The following SLC9B1 variants were observed in gnomAD, a reference collection of about 807,000 sequenced individuals.
SLC9B1 encodes sodium/hydrogen exchanger 9B1.
SLC9B1 carries 32 observed loss-of-function variants against 51.7 expected under a neutral mutation model. The ratio of observed to expected loss-of-function variants is 0.62; its 90% CI spans 0.47 to 0.83. SLC9B1 has a LOEUF of 0.83. Ranked by LOEUF, SLC9B1 falls within the 40% of genes least tolerant of loss-of-function variation. The pLI, the probability that SLC9B1 is intolerant of heterozygous loss-of-function variation, is 0.00. For synonymous variants in SLC9B1, 145 were observed against 212.7 expected, an observed-to-expected ratio of 0.68 and a Z score of 2.77; for missense variants, 406 against 613.2, an observed-to-expected ratio of 0.66 and a Z score of 3.57.
intron 3 of SLC9B1, among the ~76,000 whole-genome samples, chr4:102,985,588 A>T (rs2110513985): frequency 6.7e-6 from 1 of 149,356 alleles, no homozygotes; most frequent in African/African-American, 2.5e-5. Context: ...CAGCGGTGTG[A>T]TCTCGGCTCA....
At chr4:102,919,832 G>C (rs1341101479) in intron 7 of SLC9B1, among the ~76,000 whole-genome samples, 2 of 152,338 alleles carry the variant, frequency 1.3e-5, no homozygotes, top group Non-Finnish European at 2.9e-5. Context: ...ATCCATCTGC[G>C]AGGTGGCAGC....
intron 1 of SLC9B1, 138 bp downstream of exon 1, chr4:103,019,461 G>A: frequency 1.1e-5 from 5 of 455,628 alleles, no homozygotes; most frequent in Non-Finnish European, 1.4e-5. Flanking sequence ...CAGCGTCTGG[G>A]AGAAGAGCCC....
At chr4:102,941,710 TG>T (rs1737012034) in intron 6 of SLC9B1, among the ~76,000 whole-genome samples, 1 of 138,500 alleles carries the variant, frequency 7.2e-6, no homozygotes, top group South Asian at 2.3e-4. Flanking sequence ...TTATACTGAA[TG>T]GGGAAAAGTT....
Position 102,989,805 on chromosome 4 carries a change from G to A in SLC9B1, c.206C>T (p.Thr69Ile). 1 of 1,565,070 alleles carries A rather than the reference G, an allele frequency of 6.4e-7. No individual in the cohort carries two copies. The highest frequency in any genetic ancestry group is 8.7e-7 in the Non-Finnish European group (1 of 1,154,598). ...PLRGVLNVIITNGVILFVIWC... is the reference protein window; with the variant it reads ...PLRGVLNVIIINGVILFVIWC... ...ACATTTTTTGTTTCACATACCATTT[G>A]TAATAATTACATTCAATACTCCTCT... The change falls in exon 3 of 12, where the codon ACA becomes ATA. Residue 69 changes from threonine (T) to isoleucine (I), a missense_variant. By Grantham distance (89) the Thr-to-Ile change is moderately conservative. Around this residue, in one of 6 missense-constraint regions of SLC9B1, gnomAD observed 108 missense variants for 94.5 expected, o/e 1.14. Coordinates refer to ENST00000296422, the MANE Select transcript of SLC9B1 (RefSeq NM_139173.4).
intron 6 of SLC9B1, among the ~76,000 whole-genome samples, chr4:102,940,539 C>CA (rs1266082181): frequency 1.3e-5 from 2 of 151,706 alleles, no homozygotes; most frequent in African/African-American, 4.8e-5. Context: ...AACAAACAAA[C>CA]AAAAAAAGCC....
At chr4:103,010,195 T>C (rs1741020301) in intron 1 of SLC9B1, among the ~76,000 whole-genome samples, 1 of 151,820 alleles carries the variant, frequency 6.6e-6, no homozygotes, top group African/African-American at 2.4e-5. Flanking sequence ...ATGAAAAAAA[T>C]TTCTTTCTCA....
At chr4:102,924,395 T>G (rs1411457046) in intron 7 of SLC9B1, among the ~76,000 whole-genome samples, 1 of 152,034 alleles carries the variant, frequency 6.6e-6, no homozygotes, top group African/African-American at 2.4e-5. Flanking sequence ...ACACTTTATA[T>G]AAAAATTAAT....
Position 102,913,796 on chromosome 4 carries a change from TAAAA to T in SLC9B1, c.830-2263_830-2260del, listed in dbSNP as rs61244946. ...AAAATATTAACAAAGAGATAGAAAC[TAAAA>T]AAAAAAAAAAAAAAAAAGGAACCAT... On this transcript the variant is annotated intron_variant, in intron 7 of 11. Transcript: ENST00000296422. 5.9e-3 allele frequency among the ~76,000 whole-genome samples: 421 copies of T among 71,458 alleles called. 1 individual carries two copies. Among genetic ancestry groups the T allele is most frequent in the Non-Finnish European group, 9.6e-3 (345 of 35,878 alleles). 46.9% of individuals were successfully genotyped at this position (71,458 alleles called of 152,430 possible). A position where few individuals can be genotyped will look rare whatever the true frequency, so the allele number is the denominator to read the frequency against.
intron 1 of SLC9B1, among the ~76,000 whole-genome samples, chr4:103,004,037 G>A (rs573086745): frequency 1.6e-4 from 24 of 152,276 alleles, no homozygotes; most frequent in African/African-American, 3.4e-4. Context: ...CAAGATGCCC[G>A]AGTATCTTCT....
chr4:102,950,921 G>A (rs771345757), intron 3 of SLC9B1, among the ~76,000 whole-genome samples: 2 of 152,142 alleles, frequency 1.3e-5, no homozygotes, highest in Non-Finnish European at 2.9e-5. Context: ...CTTAAACCCA[G>A]GAGGCAGACA....
chr4:102,961,696 A>G (rs1274114984), intron 3 of SLC9B1, among the ~76,000 whole-genome samples: 2 of 151,810 alleles, frequency 1.3e-5, no homozygotes, highest in African/African-American at 4.8e-5. Context: ...ACTGTCAAAT[A>G]GTAGGTTGAT....
intron 3 of SLC9B1, among the ~76,000 whole-genome samples, chr4:102,971,250 T>G (rs1738746122): frequency 6.6e-6 from 1 of 152,080 alleles, no homozygotes; most frequent in Non-Finnish European, 1.5e-5. Flanking sequence ...AAAGCACTCC[T>G]CAGCAAATGT....
chr4:102,998,602 T>C (rs956681296), intron 1 of SLC9B1, among the ~76,000 whole-genome samples: 1 of 123,384 alleles, frequency 8.1e-6, no homozygotes, highest in African/African-American at 3.7e-5. Context: ...CATCATCATA[T>C]GGTTTTTTTT....
At chr4:102,990,744 T>A (rs184723882) in intron 2 of SLC9B1, among the ~76,000 whole-genome samples, 2 of 151,816 alleles carry the variant, frequency 1.3e-5, no homozygotes, top group East Asian at 3.9e-4. Context: ...CATCTTATCA[T>A]CACAGGAAAC....
rs191848728 is a variant in SLC9B1 at position 102,981,135 on chromosome 4, C to T, written c.211+8665G>A. Among the ~76,000 whole-genome samples, 34 of 152,228 alleles carry T rather than the reference C, an allele frequency of 2.2e-4. 1 individual carries two copies. Among genetic ancestry groups the T allele is most frequent in the East Asian group, 7.7e-4 (4 of 5,184 alleles). On this transcript the variant is annotated intron_variant, in intron 3 of 11. Transcript: ENST00000296422. ...CAGATTGGCTTCTTTCACTTAGAAA[C>T]ATGCATTTAAGTTTACTCCAAGTTG...
chr4:102,982,624 C>G (rs1198004998), intron 3 of SLC9B1, among the ~76,000 whole-genome samples: 1 of 152,014 alleles, frequency 6.6e-6, no homozygotes, highest in East Asian at 1.9e-4. Context: ...AGACATATAT[C>G]TAAGATGTTA....
chr4:103,005,291 G>A (rs1030659638), intron 1 of SLC9B1, among the ~76,000 whole-genome samples: 1 of 150,462 alleles, frequency 6.6e-6, no homozygotes, highest in Non-Finnish European at 1.5e-5. Flanking sequence ...GAAAAAAGCA[G>A]GGGTTACTGT....
intron 6 of SLC9B1, among the ~76,000 whole-genome samples, chr4:102,943,506 TAC>T (rs373442152): frequency 1.7e-3 from 248 of 145,372 alleles, no homozygotes; most frequent in Middle Eastern, 3.4e-3. Context: ...TGTGTATGTA[TAC>T]ACACACACAC....
intron 6 of SLC9B1, among the ~76,000 whole-genome samples, chr4:102,941,702 A>T (rs994492280): frequency 9.9e-5 from 15 of 151,452 alleles, no homozygotes; most frequent in African/African-American, 2.9e-4. Context: ...AGCCAGCATT[A>T]TACTGAATGG....
Sources: gnomAD v4.1 joint callset for allele counts (sites outside exome capture counted in the v4.1 genomes callset) on GRCh38, gnomAD v4.1.1 for gene constraint, gnomAD v4.1.1 regional missense constraint, MANE v1.5 for transcripts, NCBI Gene and HGNC (gene_info 2026-07-23, HGNC 2026-07-21) for gene names.